DTNA: variants seen among roughly 807,000 people sequenced by gnomAD.
DTNA encodes the protein dystrophin-related protein 3.
In DTNA, 43 loss-of-function variants were observed where a neutral mutation model predicts 100.7. The ratio of observed to expected loss-of-function variants is 0.43; its 90% CI spans 0.33 to 0.55. The LOEUF (loss-of-function observed/expected upper bound fraction) is 0.55, where lower values mean the gene tolerates loss of function less well. Among genes scored for constraint, DTNA ranks in the 20% least tolerant of loss-of-function variants. The pLI is 0.04. For synonymous variants in DTNA, 349 were observed against 347.9 expected, an observed-to-expected ratio of 1.00 and a Z score of -0.04; for missense variants, 798 against 953.9, an observed-to-expected ratio of 0.84 and a Z score of 2.15.
intron 1 of DTNA, among the ~76,000 whole-genome samples, chr18:34,546,465 C>T (rs9965902): frequency 0.036 from 5,435 of 152,146 alleles, 340 homozygotes; most frequent in African/African-American, 0.12. Context: ...TTCAGATCAA[C>T]GAAAGGATCT....
chr18:34,857,117 G>A (rs937121217), intron 15 of DTNA, among the ~76,000 whole-genome samples: 2 of 152,126 alleles, frequency 1.3e-5, no homozygotes, highest in Non-Finnish European at 2.9e-5. Context: ...TATCTGACAT[G>A]TTGGGTATCC....
chr18:34,882,046 T>C, intron 20 of DTNA, 23 bp from the exon 21 acceptor site: 1 of 1,614,052 alleles, frequency 6.2e-7, no homozygotes, highest in African/African-American at 1.3e-5. Flanking sequence ...TGCTCTAACA[T>C]GTCATCTGTG....
At chr18:34,592,214 T>TGA (rs1176092682) in intron 1 of DTNA, among the ~76,000 whole-genome samples, 1 of 152,102 alleles carries the variant, frequency 6.6e-6, no homozygotes, top group East Asian at 1.9e-4. Flanking sequence ...AAGCCTTCAT[T>TGA]AGGCTTTTGA....
intron 1 of DTNA, among the ~76,000 whole-genome samples, chr18:34,605,592 C>T (rs2052884275): frequency 6.7e-6 from 1 of 149,112 alleles, no homozygotes; most frequent in Non-Finnish European, 1.5e-5. Flanking sequence ...AGAAGAGAAG[C>T]CAACAGATTT....
At chr18:34,557,630 T>G (rs1379788642) in intron 1 of DTNA, among the ~76,000 whole-genome samples, 2 of 151,770 alleles carry the variant, frequency 1.3e-5, no homozygotes. Context: ...CCCTGCCGTG[T>G]GAGGTGTCAG....
At chr18:34,613,120 C>G (rs2054558268) in intron 1 of DTNA, among the ~76,000 whole-genome samples, 1 of 152,204 alleles carries the variant, frequency 6.6e-6, no homozygotes, top group East Asian at 1.9e-4. Flanking sequence ...CATTATTATC[C>G]TATTGATTAT....
At chr18:34,783,423 A>T (rs1008651187) in intron 3 of DTNA, among the ~76,000 whole-genome samples, 80 of 152,352 alleles carry the variant, frequency 5.3e-4, no homozygotes, top group African/African-American at 1.7e-3. Context: ...ATGAAGGTTT[A>T]TTACATCATC....
At chr18:34,742,035 A>G (rs1483652255) in intron 1 of DTNA, among the ~76,000 whole-genome samples, 3 of 152,188 alleles carry the variant, frequency 2.0e-5, no homozygotes, top group African/African-American at 7.2e-5. Context: ...AAAATTAGGA[A>G]TCACAGTAGG....
rs1023523087 is a variant in DTNA, at chr18:34,890,607, T to C, written c.*2873T>C. 1.7e-5 allele frequency: 18 copies of C among 1,048,340 alleles called. No individual in the cohort carries two copies. The African/African-American group carries it at 2.9e-4, about 17-fold the overall frequency. 64.9% of individuals were successfully genotyped at this position (1,048,340 alleles called of 1,614,324 possible). ...CAGCCAACCCTCCTCCACAGCGCCA[T>C]ATTAATGGAGGAGGGGAGGAAGGTG... On this transcript the variant is annotated 3_prime_UTR_variant, in exon 23 of 23. Coordinates refer to ENST00000444659, the MANE Select transcript of DTNA (RefSeq NM_001386795.1).
chr18:34,818,185 C>G lies in DTNA; in HGVS notation c.731C>G (p.Ser244Cys). 6.2e-7 allele frequency: 1 copy of G among 1,614,012 alleles called. No homozygotes were observed. Among genetic ancestry groups the G allele is most frequent in the Non-Finnish European group, 8.5e-7 (1 of 1,179,942 alleles). Reference sequence around the variant, plus strand: ...TTAGTCTTCCATCCGGTTGAGTGTTCCTACTGCCACAGTGAGAGTATGATG... The same window carrying G: ...TTAGTCTTCCATCCGGTTGAGTGTTGCTACTGCCACAGTGAGAGTATGATG... ...VENVFHPVEC[S>C]YCHSESMMGF... Residue 244 changes from serine (S) to cysteine (C), a missense_variant, in exon 8 of 23, where the codon TCC becomes TGC. This residue lies in a region of DTNA where 81 missense variants were observed against 153.5 expected (regional missense o/e 0.53). Transcript: ENST00000444659.
intron 5 of DTNA, 37 bp from the exon 6 acceptor site, chr18:34,811,922 A>T: frequency 6.2e-7 from 1 of 1,612,358 alleles, no homozygotes; most frequent in Non-Finnish European, 8.5e-7. Context: ...GAGAATGTTC[A>T]TGTGATGAAT....
intron 1 of DTNA, among the ~76,000 whole-genome samples, chr18:34,560,730 A>T (rs1210298025): frequency 1.3e-5 from 2 of 152,114 alleles, no homozygotes; most frequent in African/African-American, 4.8e-5. Context: ...ACATACTGAA[A>T]CCCTATCTCT....
intron 1 of DTNA, among the ~76,000 whole-genome samples, chr18:34,653,946 C>T (rs1214169414): frequency 2.6e-5 from 4 of 152,200 alleles, no homozygotes; most frequent in African/African-American, 9.6e-5. Context: ...TGTCTCACTT[C>T]AGCCTCCTTA....
At chr18:34,630,201 G>A (rs919574796) in intron 1 of DTNA, among the ~76,000 whole-genome samples, 6 of 151,800 alleles carry the variant, frequency 4.0e-5, no homozygotes, top group African/African-American at 9.7e-5. Flanking sequence ...GTGACTTCAC[G>A]TCTGGGCGGG....
intron 1 of DTNA, among the ~76,000 whole-genome samples, chr18:34,663,221 G>A (rs577152316): frequency 1.9e-4 from 29 of 152,048 alleles, no homozygotes; most frequent in African/African-American, 6.3e-4. Flanking sequence ...TGGCATGATC[G>A]TGGCTCACTG....
chr18:34,882,040 C>CT (rs753992151), intron 20 of DTNA, 29 bp from the exon 21 acceptor site: 184 of 1,613,854 alleles, frequency 1.1e-4, no homozygotes, highest in Non-Finnish European at 1.5e-4. Flanking sequence ...AAGATTTGCT[C>CT]TAACATGTCA....
chr18:34,529,383 A>T (rs4477793), intron 1 of DTNA, among the ~76,000 whole-genome samples: 11,852 of 152,228 alleles, frequency 0.078, 653 homozygotes, highest in Non-Finnish European at 0.12. Context: ...TATAAGTTGA[A>T]GACAGTATAA....
At chr18:34,844,569 A>G (rs2096340589) in intron 13 of DTNA, among the ~76,000 whole-genome samples, 1 of 102,930 alleles carries the variant, frequency 9.7e-6, no homozygotes, top group Admixed American at 8.6e-5. Context: ...AATCCTCTTA[A>G]TAGAAGAGTA....
At chr18:34,631,791 G>A (rs1442680589) in intron 1 of DTNA, among the ~76,000 whole-genome samples, 2 of 152,088 alleles carry the variant, frequency 1.3e-5, no homozygotes, top group Non-Finnish European at 2.9e-5. Context: ...GTGTACCAAG[G>A]ACTCCCATGT....
Sources: allele counts gnomAD v4.1 joint callset (sites outside exome capture counted in the v4.1 genomes callset), GRCh38; gene constraint gnomAD v4.1.1; regional missense constraint gnomAD v4.1.1; transcripts MANE v1.5; gene names NCBI Gene and HGNC (gene_info 2026-07-23, HGNC 2026-07-21).